Variants in ASIC2 observed in about 807,000 individuals in gnomAD.
ASIC2 encodes the protein acid-sensing ion channel 2.
In ASIC2, 25 loss-of-function variants were observed where a neutral mutation model predicts 57.3. That is an observed-to-expected ratio of 0.44 (90% CI 0.32 to 0.61). The LOEUF is 0.61. Among genes scored for constraint, ASIC2 ranks in the 20% least tolerant of loss-of-function variants. The pLI is 0.06. For missense variants in ASIC2, 641 were observed against 738.1 expected (o/e 0.87, Z 1.52); for synonymous variants, 319 against 307.5 (o/e 1.04, Z -0.39).
chr17:33,456,892 C>T (rs1597734402), intron 1 of ASIC2, among the ~76,000 whole-genome samples: 1 of 152,330 alleles, frequency 6.6e-6, no homozygotes, highest in African/African-American at 2.4e-5. Context: ...TACTCAACAA[C>T]TGTCAGATTG....
chr17:33,513,043 T>C (rs1288613432), intron 1 of ASIC2, among the ~76,000 whole-genome samples: 2 of 152,200 alleles, frequency 1.3e-5, no homozygotes, highest in Non-Finnish European at 2.9e-5. Context: ...ATAGTTTTAT[T>C]GATCATTCTA....
At chr17:33,756,743 C>T (rs1423986899) in intron 1 of ASIC2, among the ~76,000 whole-genome samples, 2 of 152,202 alleles carry the variant, frequency 1.3e-5, no homozygotes, top group Non-Finnish European at 2.9e-5. Context: ...AAAGTGACAG[C>T]CCAAAGAGAG....
Position 33,159,270 on chromosome 17 carries a change from A to G in ASIC2, c.709-47203T>C, listed in dbSNP as rs545773371. On this transcript the variant is annotated intron_variant, in intron 1 of 9. Transcript: ENST00000225823. ...ATTGCACTTCAACGATGCATCATCT[A>G]TCTCCCTTCCTAAGGCAAATCTTTC... 5.9e-5 allele frequency among the ~76,000 whole-genome samples: 9 copies of G among 152,200 alleles called. No individual in the cohort carries two copies. The East Asian group carries it at 1.2e-3, about 20-fold the overall frequency.
At chr17:34,011,345 T>C (rs1007759167) in intron 1 of ASIC2, among the ~76,000 whole-genome samples, 2 of 152,156 alleles carry the variant, frequency 1.3e-5, no homozygotes, top group African/African-American at 4.8e-5. Context: ...AGGTCTATTT[T>C]TTTGGGCTCA....
chr17:34,049,415 C>G (rs1908461576), intron 1 of ASIC2, among the ~76,000 whole-genome samples: 1 of 152,190 alleles, frequency 6.6e-6, no homozygotes, highest in South Asian at 2.1e-4. Context: ...AAGGTTCTGT[C>G]TTGTCCCGTT....
intron 1 of ASIC2, among the ~76,000 whole-genome samples, chr17:33,286,808 C>T (rs1905216364): frequency 6.6e-6 from 1 of 152,184 alleles, no homozygotes; most frequent in Non-Finnish European, 1.5e-5. Flanking sequence ...CTCAACATCA[C>T]TGAGAGCTCC....
chr17:33,218,445 T>A (rs546724318), intron 1 of ASIC2, among the ~76,000 whole-genome samples: 1 of 152,232 alleles, frequency 6.6e-6, no homozygotes, highest in East Asian at 1.9e-4. Context: ...GAACTCAAAG[T>A]CTGTTGGGTG....
At chr17:33,955,294 T>C (rs554838495) in intron 1 of ASIC2, 4 of 152,378 alleles carry the variant, frequency 2.6e-5, no homozygotes, top group African/African-American at 4.8e-5. Flanking sequence ...AGTTACTGTC[T>C]TTCCATTTTA....
intron 1 of ASIC2, among the ~76,000 whole-genome samples, chr17:34,077,335 G>A (rs144555119): frequency 6.0e-4 from 92 of 152,280 alleles, no homozygotes; most frequent in African/African-American, 2.0e-3. Flanking sequence ...ATCGAGCCCC[G>A]GGAGGCAGCT....
intron 1 of ASIC2, among the ~76,000 whole-genome samples, chr17:33,378,328 C>G (rs563993277): frequency 6.6e-6 from 1 of 152,344 alleles, no homozygotes; most frequent in East Asian, 1.9e-4. Flanking sequence ...GCCCCCTGTT[C>G]CTCTGATATT....
intron 1 of ASIC2, among the ~76,000 whole-genome samples, chr17:33,315,133 A>T (rs1906591661): frequency 6.6e-6 from 1 of 152,214 alleles, no homozygotes; most frequent in Admixed American, 6.5e-5. Context: ...TGGGGGTAAC[A>T]CAAACTACCT....
chr17:34,141,804 G>A (rs1028759140), intron 1 of ASIC2, among the ~76,000 whole-genome samples: 2 of 152,216 alleles, frequency 1.3e-5, no homozygotes, highest in Admixed American at 6.5e-5. Context: ...CTGAAACAGT[G>A]TTCTGCATGT....
intron 1 of ASIC2, among the ~76,000 whole-genome samples, chr17:33,638,772 C>T (rs1375716187): frequency 6.6e-6 from 1 of 151,992 alleles, no homozygotes; most frequent in Non-Finnish European, 1.5e-5. Flanking sequence ...CCTGGCAGCC[C>T]AAGCACATTT....
chr17:33,129,163 T>C (rs569296952), intron 1 of ASIC2, among the ~76,000 whole-genome samples: 1 of 152,212 alleles, frequency 6.6e-6, no homozygotes. Flanking sequence ...CCCTGCCCTA[T>C]AGAGCCAGCA....
intron 1 of ASIC2, among the ~76,000 whole-genome samples, chr17:33,220,511 G>A (rs1418551864): frequency 6.6e-6 from 1 of 152,156 alleles, no homozygotes; most frequent in Non-Finnish European, 1.5e-5. Context: ...CCAAATCCTG[G>A]ATCTCCTAAC....
At chr17:33,340,189 A>G (rs1448198285) in intron 1 of ASIC2, among the ~76,000 whole-genome samples, 1 of 152,144 alleles carries the variant, frequency 6.6e-6, no homozygotes, top group African/African-American at 2.4e-5. Context: ...GGTATATTGT[A>G]TTTTCAACTG....
chr17:33,451,037 A>T (rs1403537510), intron 1 of ASIC2, among the ~76,000 whole-genome samples: 1 of 148,866 alleles, frequency 6.7e-6, no homozygotes, highest in Non-Finnish European at 1.5e-5. Context: ...ACTTGTAGAA[A>T]ATTTGTCAGA....
chr17:33,109,870 G>A (rs1219690347), intron 2 of ASIC2, among the ~76,000 whole-genome samples: 1 of 152,162 alleles, frequency 6.6e-6, no homozygotes, highest in Non-Finnish European at 1.5e-5. Context: ...GCCTGGAAGA[G>A]ATGACCTCAG....
chr17:33,135,219 C>T (rs538351404), intron 1 of ASIC2, among the ~76,000 whole-genome samples: 7 of 152,230 alleles, frequency 4.6e-5, no homozygotes, highest in African/African-American at 9.6e-5. Flanking sequence ...GGAAAGTGCC[C>T]GGAACATGCC....
Sources: gnomAD v4.1 joint callset for allele counts (sites outside exome capture counted in the v4.1 genomes callset) on GRCh38, gnomAD v4.1.1 for gene constraint, MANE v1.5 for transcripts, NCBI Gene and HGNC (gene_info 2026-07-23, HGNC 2026-07-21) for gene names.